ALKBH3: variants seen among roughly 807,000 people sequenced by gnomAD.
ALKBH3 encodes the protein alpha-ketoglutarate-dependent dioxygenase alkB homolog 3.
ALKBH3 carries 51 observed loss-of-function variants against 43.9 expected under a neutral mutation model. The observed-to-expected ratio is 1.16, with a 90% CI of 0.93 to 1.47. The LOEUF (loss-of-function observed/expected upper bound fraction) is 1.47. Among genes scored for constraint, ALKBH3 ranks in the 40% most tolerant of loss-of-function variants. The pLI is 0.00. For missense variants in ALKBH3, 361 were observed against 351.9 expected, an observed-to-expected ratio of 1.03 and a Z score of -0.21; for synonymous variants, 102 against 115.2, an observed-to-expected ratio of 0.89 and a Z score of 0.73.
Position 43,883,981 on chromosome 11 carries a change from A to G in ALKBH3, c.184-2A>G, listed in dbSNP as rs1041293405. On this transcript the variant is annotated splice_acceptor_variant, in intron 3 of 9. Transcript: ENST00000302708. LOFTEE classifies it high-confidence loss of function. ...AAGTAAGATCCGCCTATTTCCTTGC[A>G]GGTAGTACGTAGAGCTCCTGAGCCA... The G allele has an allele frequency of 6.2e-7, 1 of 1,613,806 alleles. No homozygotes were observed. The highest frequency in any genetic ancestry group is 1.3e-5 in the African/African-American group (1 of 75,012).
chr11:43,884,802 A>G (rs1005200405), intron 4 of ALKBH3, among the ~76,000 whole-genome samples: 1 of 152,100 alleles, frequency 6.6e-6, no homozygotes, highest in Admixed American at 6.6e-5. Context: ...CTCAGGCTGG[A>G]GTGCAGTGGC....
chr11:43,884,263 G>T (rs1047875106), intron 4 of ALKBH3, among the ~76,000 whole-genome samples: 3 of 151,922 alleles, frequency 2.0e-5, no homozygotes, highest in Non-Finnish European at 4.4e-5. Flanking sequence ...AGATTTCCTG[G>T]CCCTATTTCA....
At chr11:43,916,104 G>T (rs1459361927) in intron 8 of ALKBH3, among the ~76,000 whole-genome samples, 1 of 152,176 alleles carries the variant, frequency 6.6e-6, no homozygotes, top group African/African-American at 2.4e-5. Flanking sequence ...GACAAGAAAG[G>T]GATGATTTTA....
rs1045697455 is a variant in ALKBH3 at position 43,899,048 on chromosome 11, G to A, written c.460-2468G>A. 38 of 749,198 alleles carry A rather than the reference G, an allele frequency of 5.1e-5. No homozygotes were observed. In the Admixed American group the frequency reaches 6.2e-4, roughly 12 times the overall value. 46.4% of individuals were successfully genotyped at this position (749,198 alleles called of 1,614,324 possible). A position where few individuals can be genotyped will look rare whatever the true frequency, so the allele number is the denominator to read the frequency against. On this transcript the variant is annotated intron_variant, in intron 7 of 9. Transcript: ENST00000302708. ...GAGCCCCACACAAGATTCTCATTCA[G>A]ATTGTGGATGCCTCTTCAGTCACCA...
At chr11:43,884,113 C>G in intron 4 of ALKBH3, 96 bp downstream of exon 4, 3 of 1,423,968 alleles carry the variant, frequency 2.1e-6, no homozygotes, top group Non-Finnish European at 2.0e-6. Context: ...AAGAGAATGG[C>G]CCAATAAGTG....
intron 8 of ALKBH3, chr11:43,909,466 A>C (rs1477575508): frequency 2.6e-5 from 4 of 152,228 alleles, no homozygotes; most frequent in Non-Finnish European, 5.9e-5. Flanking sequence ...GTGATCCATG[A>C]AACAGTCTAG....
In ALKBH3 at chr11:43,881,116, C is replaced by T. The variant is rs1404402238; in HGVS notation, c.-134C>T. On this transcript the variant is annotated 5_prime_UTR_variant, in exon 1 of 10. Coordinates refer to ENST00000302708, the MANE Select transcript of ALKBH3 (RefSeq NM_139178.4). Reference sequence around the variant, plus strand: ...CTTCCACCTGCGGAGCTCGCTTAGTCTGCACCTCAACCGTGCGGAAAGTGA... The same window carrying T: ...CTTCCACCTGCGGAGCTCGCTTAGTTTGCACCTCAACCGTGCGGAAAGTGA... The T allele has an allele frequency of 6.6e-6, 1 of 152,580 alleles. No homozygotes were observed. Among genetic ancestry groups the T allele is most frequent in the East Asian group, 1.9e-4 (1 of 5,202 alleles). The allele number at this position is 152,580 out of a possible 1,614,324, so 9.5% of individuals were successfully genotyped here.
At chr11:43,898,856 A>G in intron 7 of ALKBH3, 1 of 763,776 alleles carries the variant, frequency 1.3e-6, no homozygotes, top group East Asian at 2.4e-5. Context: ...GGCCTGCTGG[A>G]TTACATTGAT....
At chr11:43,917,511 A>T (rs1022251609) in intron 8 of ALKBH3, among the ~76,000 whole-genome samples, 1 of 152,176 alleles carries the variant, frequency 6.6e-6, no homozygotes, top group Non-Finnish European at 1.5e-5. Context: ...TTCTGCTTCT[A>T]GCTGTGTTGA....
rs772354749 is a variant in ALKBH3 at position 43,883,982 on chromosome 11, G to A, written c.184-1G>A. ...AGTAAGATCCGCCTATTTCCTTGCA[G>A]GTAGTACGTAGAGCTCCTGAGCCAC... is the stretch of plus-strand genomic sequence containing the variant. On this transcript the variant is annotated splice_acceptor_variant, in intron 3 of 9. Transcript: ENST00000302708. LOFTEE classifies it high-confidence loss of function. 2 of 1,613,842 alleles carry A rather than the reference G, an allele frequency of 1.2e-6. No individual in the cohort carries two copies.
intron 5 of ALKBH3, among the ~76,000 whole-genome samples, chr11:43,887,757 T>G (rs1951756031): frequency 6.6e-6 from 1 of 152,008 alleles, no homozygotes; most frequent in Non-Finnish European, 1.5e-5. Context: ...TGTTACAAAT[T>G]GCTACACTAG....
intron 7 of ALKBH3, among the ~76,000 whole-genome samples, chr11:43,901,271 T>C (rs1440805680): frequency 6.6e-6 from 1 of 152,274 alleles, no homozygotes; most frequent in Admixed American, 6.5e-5. Flanking sequence ...GTCCTCATGA[T>C]ATTGCTGTAC....
chr11:43,893,782 A>T (rs1425407549), intron 7 of ALKBH3, among the ~76,000 whole-genome samples: 2 of 152,184 alleles, frequency 1.3e-5, no homozygotes, highest in Non-Finnish European at 2.9e-5. Context: ...TTTAATTCAG[A>T]TTTGGCTGGC....
chr11:43,899,667 C>CCTG, intron 7 of ALKBH3: 1 of 398,814 alleles, frequency 2.5e-6, no homozygotes, highest in Non-Finnish European at 4.7e-6. Flanking sequence ...CTCCTCTCAC[C>CCTG]TCTAGAGAGC....
chr11:43,881,047 G>A lies in ALKBH3; in HGVS notation c.-203G>A, dbSNP rs1242695318. ...CATTCTAGGCCTCCTTAAAGAGAAG[G>A]ATCTAAATTAGGAAAAGGAAGTGCC... On this transcript the variant is annotated 5_prime_UTR_variant, in exon 1 of 10. Transcript: ENST00000302708. The A allele has an allele frequency of 6.6e-6, 1 of 152,344 alleles. No individual in the cohort carries two copies. Among genetic ancestry groups the A allele is most frequent in the East Asian group, 1.9e-4 (1 of 5,196 alleles). 9.4% of individuals were successfully genotyped at this position (152,344 alleles called of 1,614,324 possible). A position where few individuals can be genotyped will look rare whatever the true frequency, so the allele number is the denominator to read the frequency against.
intron 7 of ALKBH3, among the ~76,000 whole-genome samples, chr11:43,896,588 G>T (rs1471095910): frequency 6.6e-6 from 1 of 152,142 alleles, no homozygotes; most frequent in Non-Finnish European, 1.5e-5. Context: ...CTAGCCCACT[G>T]ACTCAAATGT....
intron 7 of ALKBH3, among the ~76,000 whole-genome samples, chr11:43,900,035 A>G (rs1460120727): frequency 6.7e-6 from 1 of 150,310 alleles, no homozygotes; most frequent in Non-Finnish European, 1.5e-5. Flanking sequence ...GATTGAATGC[A>G]GAAACAAATA....
intron 2 of ALKBH3, 21 bp from the exon 3 acceptor site, chr11:43,883,064 C>A (rs773438121): frequency 1.9e-6 from 3 of 1,602,210 alleles, no homozygotes; most frequent in Non-Finnish European, 8.5e-7. Flanking sequence ...TGGTTTGAGG[C>A]TGTCCCCTCT....
At chr11:43,891,830 C>G (rs1483817999) in intron 6 of ALKBH3, among the ~76,000 whole-genome samples, 3 of 152,170 alleles carry the variant, frequency 2.0e-5, no homozygotes, top group African/African-American at 7.2e-5. Context: ...AGAGCCTTTG[C>G]CCATGTGGTG....
Sources: gnomAD v4.1 joint callset for allele counts (sites outside exome capture counted in the v4.1 genomes callset) on GRCh38, gnomAD v4.1.1 for gene constraint, MANE v1.5 for transcripts, NCBI Gene and HGNC (gene_info 2026-07-23, HGNC 2026-07-21) for gene names.